Variants in MRAP2 observed in about 807,000 individuals in gnomAD.
The protein encoded by MRAP2 is melanocortin-2 receptor accessory protein 2.
MRAP2 carries 20 observed loss-of-function variants against 17.4 expected under a neutral mutation model. That is an observed-to-expected ratio of 1.15 (90% CI 0.81 to 1.67). The LOEUF is 1.67. Ranked by LOEUF, MRAP2 falls within the 40% of genes most tolerant of loss-of-function variation. The pLI is 0.00. For synonymous variants in MRAP2, 96 were observed against 88.4 expected, an observed-to-expected ratio of 1.09 and a Z score of -0.48; for missense variants, 238 against 240.0, an observed-to-expected ratio of 0.99 and a Z score of 0.05.
chr6:84,079,586 T>A (rs1336404335), intron 3 of MRAP2, among the ~76,000 whole-genome samples: 1 of 152,216 alleles, frequency 6.6e-6, no homozygotes, highest in Non-Finnish European at 1.5e-5. Context: ...GTAACTGAAT[T>A]GAAGCAAGTG....
the MRAP2 span, among the ~76,000 whole-genome samples, chr6:84,108,352 C>T: frequency 3.3e-5 from 5 of 152,050 alleles, no homozygotes; most frequent in Non-Finnish European, 5.9e-5. Flanking sequence ...TGTTGTTTCA[C>T]TTTATAATAG....
chr6:84,063,358 G>A, intron 3 of MRAP2: 1 of 985,232 alleles, frequency 1.0e-6, no homozygotes, highest in East Asian at 1.1e-4. Context: ...AAAAGACAAT[G>A]GCAAAATAGG....
intron 3 of MRAP2, among the ~76,000 whole-genome samples, chr6:84,086,187 A>G (rs1187386696): frequency 6.6e-6 from 1 of 152,250 alleles, no homozygotes; most frequent in South Asian, 2.1e-4. Flanking sequence ...ACTTATGTGC[A>G]TATTCTGGGA....
the MRAP2 span, among the ~76,000 whole-genome samples, chr6:84,100,252 T>G: frequency 1.3e-5 from 2 of 152,138 alleles, no homozygotes; most frequent in Non-Finnish European, 2.9e-5. Flanking sequence ...AGTTTTTTAT[T>G]TTTATTTTTA....
At chr6:84,043,398 T>C (rs996258911) in intron 1 of MRAP2, among the ~76,000 whole-genome samples, 1 of 151,982 alleles carries the variant, frequency 6.6e-6, no homozygotes, top group East Asian at 1.9e-4. Flanking sequence ...TGTAGTGAAA[T>C]AGTTGGAGAG....
chr6:84,073,845 AT>A (rs2099496861), intron 3 of MRAP2, among the ~76,000 whole-genome samples: 1 of 150,390 alleles, frequency 6.6e-6, no homozygotes, highest in Non-Finnish European at 1.5e-5. Context: ...AAATTCGTAA[AT>A]TTGCTTAAAA....
upstream of MRAP2, chr6:84,033,694 G>T: frequency 1.0e-6 from 1 of 985,314 alleles, no homozygotes; most frequent in East Asian, 1.1e-4. Flanking sequence ...CCGCGCTGCA[G>T]CCCTGCTCCG....
At chr6:84,083,122 A>C (rs1368436744) in intron 3 of MRAP2, among the ~76,000 whole-genome samples, 2 of 152,224 alleles carry the variant, frequency 1.3e-5, no homozygotes, top group African/African-American at 4.8e-5. Context: ...CCTTTGTTCA[A>C]GTGTGCTCTC....
chr6:84,107,756 T>C, the MRAP2 span, among the ~76,000 whole-genome samples: 28 of 152,362 alleles, frequency 1.8e-4, no homozygotes, highest in African/African-American at 6.5e-4. Flanking sequence ...TGTTTATGGT[T>C]GGTTTTATGG....
At chr6:84,067,710 GC>G (rs901355176) in intron 3 of MRAP2, among the ~76,000 whole-genome samples, 1 of 147,648 alleles carries the variant, frequency 6.8e-6, no homozygotes, top group Non-Finnish European at 1.5e-5. Context: ...CATGTTTTTA[GC>G]CCACTTTTGG....
At chr6:84,117,301 G>A in the MRAP2 span, among the ~76,000 whole-genome samples, 1 of 152,206 alleles carries the variant, frequency 6.6e-6, no homozygotes, top group African/African-American at 2.4e-5. Context: ...GGGATTACAG[G>A]TGTGAACCAC....
intron 1 of MRAP2, among the ~76,000 whole-genome samples, chr6:84,053,158 G>A (rs1266593741): frequency 6.6e-6 from 1 of 152,152 alleles, no homozygotes; most frequent in African/African-American, 2.4e-5. Flanking sequence ...CGGTTCTGTG[G>A]TGTGCTGAAT....
At chr6:84,097,125 C>T in the MRAP2 span, among the ~76,000 whole-genome samples, 2 of 152,204 alleles carry the variant, frequency 1.3e-5, no homozygotes, top group South Asian at 4.1e-4. Context: ...AAGCCACAGT[C>T]CTTATGATGA....
chr6:84,135,471 A>T, the MRAP2 span, among the ~76,000 whole-genome samples: 1 of 152,200 alleles, frequency 6.6e-6, no homozygotes, highest in African/African-American at 2.4e-5. Flanking sequence ...CCCAGAGAAG[A>T]CATTTGTCTT....
intron 3 of MRAP2, among the ~76,000 whole-genome samples, chr6:84,081,503 G>T (rs1485510186): frequency 6.6e-6 from 1 of 152,218 alleles, no homozygotes; most frequent in African/African-American, 2.4e-5. Flanking sequence ...GTTCTCACAA[G>T]ATGTGATGGC....
the MRAP2 span, among the ~76,000 whole-genome samples, chr6:84,113,327 C>T: frequency 6.6e-6 from 1 of 152,094 alleles, no homozygotes; most frequent in African/African-American, 2.4e-5. Flanking sequence ...TGCATTGATC[C>T]CTTTACCATT....
chr6:84,140,242 C>G, the MRAP2 span, among the ~76,000 whole-genome samples: 10 of 152,010 alleles, frequency 6.6e-5, no homozygotes, highest in Admixed American at 2.0e-4. Context: ...CCATTAGGAG[C>G]CTTTGGCGTT....
chr6:84,115,622 T>TG, the MRAP2 span, among the ~76,000 whole-genome samples: 1 of 151,432 alleles, frequency 6.6e-6, no homozygotes, highest in Non-Finnish European at 1.5e-5. Context: ...CACTGGGGTA[T>TG]GGAAAAAAAA....
chr6:84,134,602 G>T, the MRAP2 span, among the ~76,000 whole-genome samples: 1 of 152,016 alleles, frequency 6.6e-6, no homozygotes, highest in Admixed American at 6.6e-5. Flanking sequence ...AGGGGAGGGA[G>T]TTCCCCGACC....
Sources: allele counts gnomAD v4.1 joint callset (sites outside exome capture counted in the v4.1 genomes callset), GRCh38; gene constraint gnomAD v4.1.1; transcripts MANE v1.5; gene names NCBI Gene and HGNC (gene_info 2026-07-23, HGNC 2026-07-21).